The following ATP6V1C1 variants were observed in gnomAD, a reference collection of about 807,000 sequenced individuals.
ATP6V1C1 encodes the protein V-type proton ATPase subunit C 1.
A neutral mutation model predicts 53.9 loss-of-function variants in ATP6V1C1; 45 were observed. The observed-to-expected ratio is 0.83, with a 90% confidence interval of 0.66 to 1.07. The LOEUF (loss-of-function observed/expected upper bound fraction) is 1.07. Among genes scored for constraint, ATP6V1C1 ranks in the 50% least tolerant of loss-of-function variants. The pLI is 0.00. For synonymous variants in ATP6V1C1, 153 were observed against 155.2 expected, an observed-to-expected ratio of 0.99 and a Z score of 0.11; for missense variants, 315 against 440.3, an observed-to-expected ratio of 0.72 and a Z score of 2.55.
At chr8:103,066,194 TA>T in intron 11 of ATP6V1C1, 126 bp from the exon 12 acceptor site, 1 of 582,108 alleles carries the variant, frequency 1.7e-6, no homozygotes, top group Non-Finnish European at 2.4e-6. Context: ...GTTGAACTTG[TA>T]AAGGTAAAGG....
At chr8:103,033,973 T>C (rs759602611) in intron 1 of ATP6V1C1, among the ~76,000 whole-genome samples, 1 of 152,226 alleles carries the variant, frequency 6.6e-6, no homozygotes, top group Non-Finnish European at 1.5e-5. Context: ...TAAGTTTGAC[T>C]AGAAGTGTTG....
At chr8:103,042,551 T>G in intron 3 of ATP6V1C1, 144 bp downstream of exon 3, 1 of 695,194 alleles carries the variant, frequency 1.4e-6, no homozygotes, top group East Asian at 2.7e-5. Flanking sequence ...ATATCAATTT[T>G]ATGAAGGTAC....
intron 8 of ATP6V1C1, among the ~76,000 whole-genome samples, chr8:103,058,540 G>A (rs1375289141): frequency 1.3e-5 from 2 of 152,174 alleles, no homozygotes; most frequent in Non-Finnish European, 2.9e-5. Context: ...GCATTTTTGA[G>A]TAATTACTGT....
chr8:103,041,813 A>G (rs184447389), intron 2 of ATP6V1C1, among the ~76,000 whole-genome samples: 1 of 152,236 alleles, frequency 6.6e-6, no homozygotes, highest in Non-Finnish European at 1.5e-5. Flanking sequence ...TGGAGGTTGC[A>G]GTGAGCCAAG....
intron 1 of ATP6V1C1, among the ~76,000 whole-genome samples, chr8:103,024,691 A>G (rs577112132): frequency 2.6e-5 from 4 of 152,260 alleles, no homozygotes; most frequent in Non-Finnish European, 5.9e-5. Context: ...TTAAAGACAG[A>G]CATAGTATAA....
At chr8:103,034,404 A>G (rs757862918) in intron 1 of ATP6V1C1, among the ~76,000 whole-genome samples, 5 of 152,106 alleles carry the variant, frequency 3.3e-5, no homozygotes, top group Admixed American at 1.3e-4. Flanking sequence ...TTGATAACAA[A>G]TGGCCACTAA....
chr8:103,064,912 GGA>G, intron 11 of ATP6V1C1, 101 bp downstream of exon 11: 1 of 1,046,364 alleles, frequency 9.6e-7, no homozygotes. Flanking sequence ...AAATTGATTT[GGA>G]GAAATCAAAG....
chr8:103,065,903 A>G (rs1554601586), intron 11 of ATP6V1C1, among the ~76,000 whole-genome samples: 1 of 151,822 alleles, frequency 6.6e-6, no homozygotes, highest in African/African-American at 2.4e-5. Context: ...TCAGCTGGGC[A>G]TGGTGGTATG....
chr8:103,050,553 A>G (rs1162077174), intron 4 of ATP6V1C1, among the ~76,000 whole-genome samples: 4 of 152,182 alleles, frequency 2.6e-5, no homozygotes, highest in Admixed American at 2.6e-4. Context: ...TTAGCTCTAC[A>G]TGTTTTATTC....
intron 3 of ATP6V1C1, among the ~76,000 whole-genome samples, chr8:103,046,298 C>T (rs971446807): frequency 6.6e-6 from 1 of 152,038 alleles, no homozygotes; most frequent in Non-Finnish European, 1.5e-5. Context: ...CCTGGAACTC[C>T]TGGGCTCAAG....
rs1324885884 is a variant in ATP6V1C1 at position 103,049,005 on chromosome 8, A to G, written c.286+50A>G. Reference sequence around the variant, plus strand: ...ATTATTAACTCATACAAAGCAAATAACTAAGCTACAGAAACAAAAAGTAAT... The same window carrying G: ...ATTATTAACTCATACAAAGCAAATAGCTAAGCTACAGAAACAAAAAGTAAT... On this transcript the variant is annotated intron_variant, in intron 4 of 12. Transcript: ENST00000518738. 2.0e-6 allele frequency: 3 copies of G among 1,525,176 alleles called. No homozygotes were observed. In the East Asian group the frequency reaches 6.8e-5, roughly 35 times the overall value. 94.5% of individuals were successfully genotyped at this position (1,525,176 alleles called of 1,614,324 possible).
chr8:103,023,708 C>T (rs1816639818), intron 1 of ATP6V1C1, among the ~76,000 whole-genome samples: 1 of 152,134 alleles, frequency 6.6e-6, no homozygotes, highest in Admixed American at 6.5e-5. Flanking sequence ...GATGAAAATG[C>T]TATTCATTGT....
Position 103,072,801 on chromosome 8 carries a change from A to G in ATP6V1C1, c.*4054A>G, listed in dbSNP as rs1250686442. 2.6e-5 allele frequency: 4 copies of G among 152,264 alleles called. No individual in the cohort carries two copies. The highest frequency in any genetic ancestry group is 9.6e-5 in the African/African-American group (4 of 41,476). The allele number at this position is 152,264 out of a possible 1,614,324, so 9.4% of individuals were successfully genotyped here. A position where few individuals can be genotyped will look rare whatever the true frequency, so the allele number is the denominator to read the frequency against. On this transcript the variant is annotated 3_prime_UTR_variant, in exon 13 of 13. Coordinates refer to ENST00000518738, the MANE Select transcript of ATP6V1C1 (RefSeq NM_001695.5). The stretch of plus-strand genomic sequence containing the variant: ...GAGTAAAGCCATGGAAGCCATGAAC[A>G]GTAAGAGACTGCCGCCTGGCATGGT...
chr8:103,056,741 G>GT (rs1817294961), intron 8 of ATP6V1C1, among the ~76,000 whole-genome samples: 1 of 152,130 alleles, frequency 6.6e-6, no homozygotes, highest in Non-Finnish European at 1.5e-5. Context: ...TAAATACAGT[G>GT]TATCTCCACC....
intron 1 of ATP6V1C1, among the ~76,000 whole-genome samples, chr8:103,023,914 G>T (rs1816650380): frequency 1.3e-5 from 2 of 151,014 alleles, no homozygotes; most frequent in African/African-American, 4.8e-5. Context: ...TTGGGGGGGG[G>T]GAACTTCTCC....
At chr8:103,047,311 G>T (rs554111521) in intron 3 of ATP6V1C1, among the ~76,000 whole-genome samples, 1 of 151,420 alleles carries the variant, frequency 6.6e-6, no homozygotes, top group African/African-American at 2.4e-5. Flanking sequence ...AGGGGCCAAG[G>T]CAAGAGGATC....
chr8:103,065,708 ACTT>A (rs748386726), intron 11 of ATP6V1C1, among the ~76,000 whole-genome samples: 81 of 152,242 alleles, frequency 5.3e-4, no homozygotes, highest in African/African-American at 1.8e-3. Flanking sequence ...TGCTGACCTT[ACTT>A]CTTCTTATTT....
At chr8:103,059,461 C>T (rs7843032) in intron 8 of ATP6V1C1, among the ~76,000 whole-genome samples, 3,293 of 152,160 alleles carry the variant, frequency 0.022, 95 homozygotes, top group African/African-American at 0.067. Context: ...CCCAGTGATC[C>T]AAACCGCAAG....
intron 12 of ATP6V1C1, among the ~76,000 whole-genome samples, chr8:103,066,960 A>G (rs1817501826): frequency 6.6e-6 from 1 of 151,370 alleles, no homozygotes; most frequent in Admixed American, 6.6e-5. Context: ...GTAACATAGT[A>G]AGATCCCATC....
Sources: gnomAD v4.1 joint callset for allele counts (sites outside exome capture counted in the v4.1 genomes callset) on GRCh38, gnomAD v4.1.1 for gene constraint, MANE v1.5 for transcripts, NCBI Gene and HGNC (gene_info 2026-07-23, HGNC 2026-07-21) for gene names.